Variants in CMTM7 observed in about 807,000 individuals in gnomAD.
The protein encoded by CMTM7 is CKLF-like MARVEL transmembrane domain-containing protein 7.
A neutral mutation model predicts 19.3 loss-of-function variants in CMTM7; 7 were observed. The observed-to-expected ratio is 0.36, with a 90% CI of 0.21 to 0.68. CMTM7 has a LOEUF of 0.68. Ranked by LOEUF, CMTM7 falls within the 30% of genes least tolerant of loss-of-function variation. The probability of loss-of-function intolerance (pLI) is 0.60; values close to 1 mark genes in which losing one functional copy is unlikely to be tolerated. For missense variants in CMTM7, 193 were observed against 232.6 expected, an observed-to-expected ratio of 0.83 and a Z score of 1.11; for synonymous variants, 87 against 99.3, an observed-to-expected ratio of 0.88 and a Z score of 0.74.
chr3:32,428,744 G>A (rs1696470689), intron 1 of CMTM7, among the ~76,000 whole-genome samples: 2 of 152,220 alleles, frequency 1.3e-5, no homozygotes, highest in Non-Finnish European at 2.9e-5. Flanking sequence ...CAAGCAGCTT[G>A]GTTGTTTTTC....
intron 3 of CMTM7, among the ~76,000 whole-genome samples, chr3:32,450,011 C>A (rs1575127464): frequency 6.6e-6 from 1 of 152,156 alleles, no homozygotes; most frequent in African/African-American, 2.4e-5. Flanking sequence ...AAATAATACT[C>A]CTGTATCTTT....
rs1696882334 is a variant in CMTM7, at chr3:32,454,551, G to A, written c.*297G>A. The A allele has an allele frequency of 1.6e-6, 1 of 637,842 alleles. No homozygotes were observed. 39.5% of individuals were successfully genotyped at this position (637,842 alleles called of 1,614,324 possible). ...TTCTAGAACCACCTCAGGTACTGAT[G>A]AACCCCACTTAGCACAGCTGAAGGG... On this transcript the variant is annotated 3_prime_UTR_variant, in exon 5 of 5. Transcript: ENST00000334983.
intron 1 of CMTM7, among the ~76,000 whole-genome samples, chr3:32,402,013 C>T (rs1012106813): frequency 6.6e-6 from 1 of 152,238 alleles, no homozygotes; most frequent in South Asian, 2.1e-4. Flanking sequence ...GCGGCTCTTC[C>T]TTTTCCTGGG....
chr3:32,392,104 G>T (rs971991069), intron 1 of CMTM7, 39 bp downstream of exon 1: 2 of 1,226,654 alleles, frequency 1.6e-6, no homozygotes, highest in African/African-American at 1.6e-5. Flanking sequence ...GTTCTACAGG[G>T]CGTCCCGGGA....
At chr3:32,442,498 C>CAAAAAAAAAAAAAAAA (rs59568281) in intron 2 of CMTM7, among the ~76,000 whole-genome samples, 2 of 80,048 alleles carry the variant, frequency 2.5e-5, no homozygotes, top group African/African-American at 9.7e-5. Context: ...AGACTCCTCT[C>CAAAAAAAAAAAAAAAA]AAAAAAAAAA....
At chr3:32,403,812 G>A (rs961103324) in intron 1 of CMTM7, among the ~76,000 whole-genome samples, 10 of 152,044 alleles carry the variant, frequency 6.6e-5, no homozygotes, top group Admixed American at 5.9e-4. Context: ...TTGTTCATTT[G>A]GCTCTTCCTT....
intron 1 of CMTM7, among the ~76,000 whole-genome samples, chr3:32,439,909 C>A (rs1247173184): frequency 6.6e-6 from 1 of 152,200 alleles, no homozygotes. Context: ...TTGCAGGGTG[C>A]TTAGCAGCAC....
chr3:32,437,386 C>T (rs1696612660), intron 1 of CMTM7, among the ~76,000 whole-genome samples: 1 of 152,084 alleles, frequency 6.6e-6, no homozygotes, highest in Non-Finnish European at 1.5e-5. Flanking sequence ...CACTTGAGGT[C>T]AGGAGTTCGA....
intron 1 of CMTM7, among the ~76,000 whole-genome samples, chr3:32,432,158 T>A (rs1165346084): frequency 6.6e-6 from 1 of 152,228 alleles, no homozygotes; most frequent in Non-Finnish European, 1.5e-5. Flanking sequence ...CTGCCCTTGG[T>A]TCTCACTTTC....
At chr3:32,417,728 A>G (rs896578624) in intron 1 of CMTM7, among the ~76,000 whole-genome samples, 2 of 152,114 alleles carry the variant, frequency 1.3e-5, no homozygotes, top group Non-Finnish European at 2.9e-5. Context: ...AGCATTTGAT[A>G]TTATCAGTAT....
At chr3:32,426,027 C>T (rs562278068) in intron 1 of CMTM7, among the ~76,000 whole-genome samples, 1 of 152,302 alleles carries the variant, frequency 6.6e-6, no homozygotes, top group South Asian at 2.1e-4. Flanking sequence ...CGCCTATAAT[C>T]CCAGCTACTT....
intron 1 of CMTM7, among the ~76,000 whole-genome samples, chr3:32,428,002 G>T (rs1696459254): frequency 6.6e-6 from 1 of 152,224 alleles, no homozygotes; most frequent in South Asian, 2.1e-4. Context: ...ACTGGCTAGG[G>T]CAGAGACTGC....
chr3:32,433,193 T>C (rs184549857), intron 1 of CMTM7, among the ~76,000 whole-genome samples: 123 of 152,358 alleles, frequency 8.1e-4, no homozygotes, highest in Admixed American at 9.1e-4. Flanking sequence ...ACACAATAAG[T>C]GTCAATTTTG....
At chr3:32,432,368 C>T (rs1485151899) in intron 1 of CMTM7, among the ~76,000 whole-genome samples, 1 of 152,252 alleles carries the variant, frequency 6.6e-6, no homozygotes, top group African/African-American at 2.4e-5. Flanking sequence ...TCCTTCACCC[C>T]TGGGGGTTCC....
rs534143679 is a variant in CMTM7, at chr3:32,392,262, C to T, written c.159+197C>T. ...CTGCCGCAGCCCCCGCGCTGGAGCTCAGTCCCCAGAGCCGCCCCGGCCCTT... is the reference window on the plus strand; with the variant it reads ...CTGCCGCAGCCCCCGCGCTGGAGCTTAGTCCCCAGAGCCGCCCCGGCCCTT... On this transcript the variant is annotated intron_variant, in intron 1 of 4. Transcript: ENST00000334983. 5.3e-5 allele frequency among the ~76,000 whole-genome samples: 8 copies of T among 152,292 alleles called. No individual in the cohort carries two copies. In the South Asian group the frequency reaches 1.7e-3, roughly 32 times the overall value.
chr3:32,393,596 ACCTCGGCAAC>A (rs1695871949), intron 1 of CMTM7, among the ~76,000 whole-genome samples: 1 of 151,926 alleles, frequency 6.6e-6, no homozygotes, highest in Admixed American at 6.6e-5. Flanking sequence ...TGGAGATGAA[ACCTCGGCAAC>A]ATAGCGAGAC....
chr3:32,418,937 TG>T (rs537251690), intron 1 of CMTM7, among the ~76,000 whole-genome samples: 56 of 152,352 alleles, frequency 3.7e-4, no homozygotes, highest in African/African-American at 1.2e-3. Flanking sequence ...AGCCTATCAC[TG>T]GGATTTGATT....
chr3:32,413,160 A>G (rs1175819038), intron 1 of CMTM7, among the ~76,000 whole-genome samples: 2 of 152,228 alleles, frequency 1.3e-5, no homozygotes, highest in Non-Finnish European at 2.9e-5. Flanking sequence ...TGGAGTTGCA[A>G]TAAAGATTGT....
At chr3:32,425,450 G>C (rs913629393) in intron 1 of CMTM7, among the ~76,000 whole-genome samples, 2 of 150,550 alleles carry the variant, frequency 1.3e-5, no homozygotes, top group African/African-American at 4.9e-5. Flanking sequence ...TCATTTGTCT[G>C]ATTTTATCTA....
Sources: gnomAD v4.1 joint callset for allele counts (sites outside exome capture counted in the v4.1 genomes callset) on GRCh38, gnomAD v4.1.1 for gene constraint, MANE v1.5 for transcripts, NCBI Gene and HGNC (gene_info 2026-07-23, HGNC 2026-07-21) for gene names.